LACTBL1: variants seen among roughly 807,000 people sequenced by gnomAD.
LACTBL1 encodes lactamase beta like 1, also known as beta-lactamase-like protein 1.
Under a neutral mutation model 39.6 loss-of-function variants are expected in LACTBL1, and 29 were observed. The observed-to-expected ratio is 0.73, with a 90% confidence interval of 0.55 to 1.00. The LOEUF (loss-of-function observed/expected upper bound fraction) is 1.00, where lower values mean the gene tolerates loss of function less well. Among genes scored for constraint, LACTBL1 ranks in the 50% least tolerant of loss-of-function variants. The pLI is 0.00. For missense variants in LACTBL1, 711 were observed against 748.5 expected, an observed-to-expected ratio of 0.95 and a Z score of 0.59; for synonymous variants, 361 against 360.7, an observed-to-expected ratio of 1.00 and a Z score of -0.01.
At chr1:22,953,317 A>C in exon 6 of LACTBL1, 1 of 1,225,908 alleles carries the variant, frequency 8.2e-7, no homozygotes, top group Non-Finnish European at 1.0e-6. Context: ...GCGCGGCCCG[A>C]ACTGGCGCAG....
intron 1 of LACTBL1, 21 bp from the exon 4 acceptor site, chr1:22,963,237 T>G: frequency 7.9e-7 from 1 of 1,270,202 alleles, no homozygotes. Flanking sequence ...CATCACATGG[T>G]GAGGAGGGGA....
chr1:22,959,865 G>A, intron 3 of LACTBL1, 77 bp downstream of exon 5: 2 of 1,489,334 alleles, frequency 1.3e-6, no homozygotes, highest in East Asian at 2.5e-5. Flanking sequence ...ATTCTCTTCA[G>A]TATCCTTACC....
chr1:22,955,934 T>C (rs564008835), intron 4 of LACTBL1, among the ~76,000 whole-genome samples: 1 of 151,988 alleles, frequency 6.6e-6, no homozygotes. Flanking sequence ...CGTCTTGGCA[T>C]GCGCCTGTAA....
chr1:22,972,431 G>C, the LACTBL1 span: 1 of 985,112 alleles, frequency 1.0e-6, no homozygotes, highest in African/African-American at 1.7e-5. Context: ...GTCCTGAGGG[G>C]CTGGAAAAAG....
At chr1:22,955,785 G>A (rs1451590357) in intron 4 of LACTBL1, among the ~76,000 whole-genome samples, 6 of 152,280 alleles carry the variant, frequency 3.9e-5, no homozygotes, top group East Asian at 3.9e-4. Flanking sequence ...GTTTGGGGCC[G>A]GGCGCGGTGG....
At chr1:22,953,384 T>G in exon 6 of LACTBL1, 1 of 1,227,976 alleles carries the variant, frequency 8.1e-7, no homozygotes. Context: ...TTGGCGAAGG[T>G]GAAGTAGCCG....
At chr1:22,972,818 T>G in the LACTBL1 span, 3 of 964,510 alleles carry the variant, frequency 3.1e-6, no homozygotes, top group African/African-American at 1.8e-5. Context: ...GGGCCCCAGT[T>G]TGGCTGACAG....
At chr1:22,960,348 G>T (rs990305868) in intron 2 of LACTBL1, among the ~76,000 whole-genome samples, 5 of 152,214 alleles carry the variant, frequency 3.3e-5, no homozygotes, top group Non-Finnish European at 7.3e-5. Context: ...GGGCATGGTG[G>T]CTCATGCCTG....
chr1:22,955,504 A>C, intron 4 of LACTBL1, 78 bp from the exon 7 acceptor site: 1 of 868,850 alleles, frequency 1.2e-6, no homozygotes, highest in Non-Finnish European at 1.8e-6. Flanking sequence ...CTCCCTCCCC[A>C]CCTTCCGTGA....
upstream of LACTBL1, among the ~76,000 whole-genome samples, chr1:22,967,658 G>GAC (rs1290638074): frequency 1.3e-5 from 2 of 152,080 alleles, no homozygotes; most frequent in Admixed American, 6.5e-5. Flanking sequence ...GAGAGAGAGA[G>GAC]AGAGACAGAC....
intron 5 of LACTBL1, 84 bp downstream of exon 7, chr1:22,955,237 A>T: frequency 9.3e-7 from 1 of 1,076,370 alleles, no homozygotes. Flanking sequence ...ACCTAGGATG[A>T]GGTGATGTGG....
At chr1:22,960,285 G>C (rs1640806530) in intron 2 of LACTBL1, among the ~76,000 whole-genome samples, 186 bp from the exon 5 acceptor site, 1 of 152,162 alleles carries the variant, frequency 6.6e-6, no homozygotes, top group Admixed American at 6.5e-5. Context: ...CAAAGAAACA[G>C]TTTCTTAGCA....
At chr1:22,972,139 AGATGATGATGATGATGATGATGATGAT>A in the LACTBL1 span, among the ~76,000 whole-genome samples, 4 of 148,264 alleles carry the variant, frequency 2.7e-5, no homozygotes, top group Non-Finnish European at 5.9e-5. Flanking sequence ...CAAGCTCTAG[AGATGATGATGATGATGATGATGATGAT>A]GATGATGATG....
chr1:22,955,359 C>T (rs777009518), exon 5 of LACTBL1: 1 of 1,550,544 alleles, frequency 6.4e-7, no homozygotes, highest in Non-Finnish European at 8.7e-7. Context: ...CGTCCTTGAG[C>T]AGGTTCAGGG....
chr1:22,970,436 T>C, the LACTBL1 span, among the ~76,000 whole-genome samples: 1 of 152,130 alleles, frequency 6.6e-6, no homozygotes, highest in African/African-American at 2.4e-5. Flanking sequence ...TCAATGGTTG[T>C]CTGGAGGTAG....
intron 2 of LACTBL1, among the ~76,000 whole-genome samples, chr1:22,961,594 C>T (rs967857972): frequency 1.2e-4 from 18 of 152,134 alleles, no homozygotes; most frequent in African/African-American, 4.3e-4. Flanking sequence ...GAACTCCTGA[C>T]CTCAGGTGAT....
intron 4 of LACTBL1, among the ~76,000 whole-genome samples, chr1:22,956,636 C>T (rs913971198): frequency 2.0e-5 from 3 of 152,092 alleles, no homozygotes; most frequent in Non-Finnish European, 4.4e-5. Flanking sequence ...ACCCAGCACC[C>T]CTCCCTCTAA....
At chr1:22,962,769 C>A (rs1640838327) in intron 2 of LACTBL1, among the ~76,000 whole-genome samples, 1 of 152,150 alleles carries the variant, frequency 6.6e-6, no homozygotes, top group Non-Finnish European at 1.5e-5. Context: ...ACATCTCAGC[C>A]TAGACACCAC....
chr1:22,953,862 G>A (rs1557769388), exon 6 of LACTBL1: 3 of 1,548,800 alleles, frequency 1.9e-6, no homozygotes, highest in Admixed American at 2.0e-5. Flanking sequence ...AGAAGCCCGC[G>A]GCCAGGCGCG....
Sources: allele counts gnomAD v4.1 joint callset (sites outside exome capture counted in the v4.1 genomes callset), GRCh38; gene constraint gnomAD v4.1.1; transcripts MANE v1.5; gene names NCBI Gene and HGNC (gene_info 2026-07-23, HGNC 2026-07-21).